PLAC9: variants seen among roughly 807,000 people sequenced by gnomAD.
PLAC9 encodes placenta associated 9, also known as placenta-specific protein 9.
A neutral mutation model predicts 11.5 loss-of-function variants in PLAC9; 12 were observed. The ratio of observed to expected loss-of-function variants is 1.05; its 90% CI spans 0.67 to 1.69. PLAC9 has a LOEUF of 1.69. Ranked by LOEUF, PLAC9 falls within the 40% of genes most tolerant of loss-of-function variation. PLAC9 has a pLI of 0.00. For missense variants in PLAC9, 132 were observed against 130.5 expected, an observed-to-expected ratio of 1.01 and a Z score of -0.06; for synonymous variants, 62 against 58.1, an observed-to-expected ratio of 1.07 and a Z score of -0.31.
intron 1 of PLAC9, among the ~76,000 whole-genome samples, chr10:80,135,675 C>T (rs1427505262): frequency 6.6e-6 from 1 of 151,976 alleles, no homozygotes; most frequent in Non-Finnish European, 1.5e-5. Context: ...TCAGAGAAAC[C>T]TTTATCCCTG....
chr10:80,138,874 C>A (rs1280531490), intron 1 of PLAC9, among the ~76,000 whole-genome samples: 1 of 152,192 alleles, frequency 6.6e-6, no homozygotes, highest in East Asian at 1.9e-4. Context: ...GCTTTGGATG[C>A]CCGCATCCAT....
rs112444943 is a variant in PLAC9, at chr10:80,133,322, C to T, written c.64+496C>T. ...CAGGATCTGGAGTGGGAGGTCACAG[C>T]TGCTGGGTGGGGCAGCCCCGGAGGC... On this transcript the variant is annotated intron_variant, in intron 1 of 3. Transcript: ENST00000372263. Among the ~76,000 whole-genome samples the T allele has an allele frequency of 2.8e-3, 422 of 152,330 alleles. 5 individuals carry two copies. The highest frequency in any genetic ancestry group is 9.6e-3 in the African/African-American group (399 of 41,572).
intron 1 of PLAC9, among the ~76,000 whole-genome samples, chr10:80,141,678 C>T (rs1275890977): frequency 5.3e-5 from 8 of 152,122 alleles, no homozygotes; most frequent in Admixed American, 4.6e-4. Flanking sequence ...AAGCTCTGCC[C>T]CCTTGGCTTC....
At chr10:80,134,638 TG>T (rs1474186458) in intron 1 of PLAC9, among the ~76,000 whole-genome samples, 3 of 152,208 alleles carry the variant, frequency 2.0e-5, no homozygotes, top group African/African-American at 7.2e-5. Context: ...TAAACATAAC[TG>T]CAATGCTATG....
In PLAC9 at chr10:80,142,130, CGT is replaced by C; in HGVS notation, c.117_118del (p.Cys39Ter). ...CGAGGAGACTCAGCTCAGAGCACAGCGTGTGACAGACACATGGCTGTGCAACG... is the reference window on the plus strand; with the variant it reads ...CGAGGAGACTCAGCTCAGAGCACAGCGTGACAGACACATGGCTGTGCAACG... On this transcript the variant is annotated frameshift_variant, in exon 2 of 4. Coordinates refer to ENST00000372263, the MANE Select transcript of PLAC9 (RefSeq NM_001012973.3). LOFTEE classifies it high-confidence loss of function. The C allele has an allele frequency of 6.2e-7, 1 of 1,611,562 alleles. No homozygotes were observed. The highest frequency in any genetic ancestry group is 8.5e-7 in the Non-Finnish European group (1 of 1,178,064).
chr10:80,132,692 G>A, upstream of PLAC9: 1 of 1,316,112 alleles, frequency 7.6e-7, no homozygotes, highest in South Asian at 1.6e-5. Flanking sequence ...TTTCCTCTCG[G>A]GCCGGCCGGG....
chr10:80,132,890 G>T, intron 1 of PLAC9, 64 bp downstream of exon 1: 1 of 1,368,066 alleles, frequency 7.3e-7, no homozygotes, highest in Non-Finnish European at 9.7e-7. Flanking sequence ...TGGCGAGGAA[G>T]GAATGAGCGA....
chr10:80,132,789 C>T lies in PLAC9; in HGVS notation c.27C>T (p.Thr9=), dbSNP rs1397306239. The change falls in exon 1 of 4, where the codon ACC becomes ACT. Residue 9 remains threonine (T), a synonymous_variant. Transcript: ENST00000372263. ...TGCGGCCCCTGCTCTGCGCGCTGAC[C>T]GGACTGGCCCTGCTCCGCGCCGCGG... MRPLLCAL[T]GLALLRAAGS... 1 of 1,497,218 alleles carries T rather than the reference C, an allele frequency of 6.7e-7. No homozygotes were observed. The highest frequency in any genetic ancestry group is 2.2e-5 in the Admixed American group (1 of 46,462). 92.7% of individuals were successfully genotyped at this position (1,497,218 alleles called of 1,614,324 possible). A position where few individuals can be genotyped will look rare whatever the true frequency, so the allele number is the denominator to read the frequency against.
At chr10:80,137,045 C>A (rs188649744) in intron 1 of PLAC9, among the ~76,000 whole-genome samples, 1 of 152,326 alleles carries the variant, frequency 6.6e-6, no homozygotes, top group East Asian at 1.9e-4. Context: ...TTCAAGTCAG[C>A]GCTGTGGTGA....
intron 2 of PLAC9, among the ~76,000 whole-genome samples, chr10:80,143,194 A>G (rs1053316383): frequency 2.0e-5 from 3 of 151,502 alleles, no homozygotes; most frequent in African/African-American, 7.3e-5. Flanking sequence ...ATGCACCACC[A>G]TGCCCAGCTA....
At chr10:80,138,860 T>A (rs186931503) in intron 1 of PLAC9, among the ~76,000 whole-genome samples, 2 of 152,308 alleles carry the variant, frequency 1.3e-5, no homozygotes, top group African/African-American at 4.8e-5. Context: ...ACTCCCCCTA[T>A]TGAGCTTTGG....
chr10:80,138,289 G>C lies in PLAC9; in HGVS notation c.65-3793G>C, dbSNP rs748001399. Among the ~76,000 whole-genome samples, 5 of 151,994 alleles carry C rather than the reference G, an allele frequency of 3.3e-5. No individual in the cohort carries two copies. In the South Asian group the frequency reaches 1.0e-3, roughly 32 times the overall value. On this transcript the variant is annotated intron_variant, in intron 1 of 3. Coordinates refer to ENST00000372263, the MANE Select transcript of PLAC9 (RefSeq NM_001012973.3). ...ACTGAGGCCTGGATTATTTACTTTGGAAGTAAATCCAAGACAGCACAGCCT... is the reference window on the plus strand; with the variant it reads ...ACTGAGGCCTGGATTATTTACTTTGCAAGTAAATCCAAGACAGCACAGCCT...
chr10:80,144,132 C>A, intron 2 of PLAC9, 91 bp from the exon 3 acceptor site: 1 of 1,580,230 alleles, frequency 6.3e-7, no homozygotes, highest in Non-Finnish European at 8.7e-7. Context: ...CTGCACCGCA[C>A]TGGACCGCCA....
upstream of PLAC9, chr10:80,131,676 G>A (rs1365120090): frequency 6.6e-6 from 1 of 152,234 alleles, no homozygotes; most frequent in African/African-American, 2.4e-5. Context: ...CTCGGGCTCA[G>A]AACCAGAATT....
intron 3 of PLAC9, 139 bp from the exon 4 acceptor site, chr10:80,144,761 C>A: frequency 1.1e-6 from 1 of 880,458 alleles, no homozygotes; most frequent in South Asian, 1.8e-5. Flanking sequence ...TTGCACTCTG[C>A]TCTCTCCTTG....
chr10:80,137,664 C>A (rs1234684887), intron 1 of PLAC9, among the ~76,000 whole-genome samples: 1 of 152,148 alleles, frequency 6.6e-6, no homozygotes, highest in African/African-American at 2.4e-5. Context: ...CCTATAATCC[C>A]AGCACTTTGG....
At chr10:80,138,098 C>T (rs1226043851) in intron 1 of PLAC9, among the ~76,000 whole-genome samples, 1 of 152,142 alleles carries the variant, frequency 6.6e-6, no homozygotes, top group Non-Finnish European at 1.5e-5. Context: ...CTGACAACCT[C>T]GTCAGACAGC....
At chr10:80,138,977 A>C (rs992026667) in intron 1 of PLAC9, among the ~76,000 whole-genome samples, 2 of 126,516 alleles carry the variant, frequency 1.6e-5, no homozygotes, top group African/African-American at 6.6e-5. Context: ...TTTGAGACGG[A>C]GTCTAGCTCT....
intron 1 of PLAC9, among the ~76,000 whole-genome samples, chr10:80,137,701 G>A (rs1245771234): frequency 6.6e-6 from 1 of 152,160 alleles, no homozygotes; most frequent in Non-Finnish European, 1.5e-5. Flanking sequence ...GATCACTTAA[G>A]CCCAGGGGTT....
Sources: gnomAD v4.1 joint callset for allele counts (sites outside exome capture counted in the v4.1 genomes callset) on GRCh38, gnomAD v4.1.1 for gene constraint, MANE v1.5 for transcripts, NCBI Gene and HGNC (gene_info 2026-07-23, HGNC 2026-07-21) for gene names.